The following CDH8 variants were observed in gnomAD, a reference collection of about 807,000 sequenced individuals.
CDH8 encodes the protein cadherin 8, also known as cadherin-8.
In CDH8, 17 loss-of-function variants were observed where a neutral mutation model predicts 68.1. The observed-to-expected ratio is 0.25, with a 90% CI of 0.17 to 0.37. The LOEUF is 0.37. Ranked by LOEUF, CDH8 falls within the 10% of genes least tolerant of loss-of-function variation. CDH8 has a pLI of 1.00. For missense variants in CDH8, 763 were observed against 999.3 expected, an observed-to-expected ratio of 0.76 and a Z score of 3.19; for synonymous variants, 372 against 365.1, an observed-to-expected ratio of 1.02 and a Z score of -0.21.
rs1319897945 is a variant in CDH8, at chr16:61,651,478, T to G, written c.*2130A>C. On this transcript the variant is annotated 3_prime_UTR_variant, in exon 12 of 12. Coordinates refer to ENST00000577390, the MANE Select transcript of CDH8 (RefSeq NM_001796.5). ...TTTAAACATGCAGTTTCTGTCACAG[T>G]GAAGGTGGCCTCTAGAAGTTGGTGC... 6.6e-6 allele frequency: 1 copy of G among 152,184 alleles called. No homozygotes were observed. The highest frequency in any genetic ancestry group is 2.4e-5 in the African/African-American group (1 of 41,442). The allele number at this position is 152,184 out of a possible 1,614,324, so 9.4% of individuals were successfully genotyped here. A position where few individuals can be genotyped will look rare whatever the true frequency, so the allele number is the denominator to read the frequency against.
At chr16:61,990,872 GGAAGGAAGGAAA>G (rs1319586937) in intron 2 of CDH8, among the ~76,000 whole-genome samples, 46 of 149,070 alleles carry the variant, frequency 3.1e-4, no homozygotes, top group African/African-American at 1.1e-3. Flanking sequence ...AGGGAGGGAA[GGAAGGAAGGAAA>G]GAAGGAAGGA....
chr16:61,690,740 A>G (rs1964204589), intron 10 of CDH8, among the ~76,000 whole-genome samples: 1 of 152,050 alleles, frequency 6.6e-6, no homozygotes, highest in Non-Finnish European at 1.5e-5. Flanking sequence ...CCAATATAAG[A>G]AAATGCAGGG....
At chr16:61,739,158 A>G (rs1319370498) in intron 8 of CDH8, among the ~76,000 whole-genome samples, 1 of 152,152 alleles carries the variant, frequency 6.6e-6, no homozygotes, top group African/African-American at 2.4e-5. Flanking sequence ...ATTGTTTCAA[A>G]TAGGATTGAC....
intron 2 of CDH8, among the ~76,000 whole-genome samples, chr16:61,995,927 A>G (rs1045983178): frequency 2.0e-5 from 3 of 152,178 alleles, no homozygotes; most frequent in Non-Finnish European, 2.9e-5. Flanking sequence ...CTTTCCTCCT[A>G]CAAGAATGTA....
intron 2 of CDH8, among the ~76,000 whole-genome samples, chr16:61,928,140 C>CTGT (rs1964485191): frequency 1.3e-5 from 2 of 152,138 alleles, no homozygotes; most frequent in African/African-American, 4.8e-5. Context: ...CCTACTGTAC[C>CTGT]ACTAACAGAA....
intron 4 of CDH8, among the ~76,000 whole-genome samples, chr16:61,833,189 C>T (rs1360839483): frequency 6.6e-6 from 1 of 151,090 alleles, no homozygotes; most frequent in African/African-American, 2.4e-5. Context: ...GTTTTATTTT[C>T]TACATTATAT....
intron 8 of CDH8, among the ~76,000 whole-genome samples, chr16:61,768,367 T>TCTCTCTCTCTCTCTCC (rs1567461178): frequency 2.4e-4 from 19 of 80,638 alleles, no homozygotes; most frequent in South Asian, 4.3e-4. Flanking sequence ...TCTCTCTCTC[T>TCTCTCTCTCTCTCTCC]CCCTTTCTCT....
intron 1 of CDH8, among the ~76,000 whole-genome samples, chr16:62,035,703 C>T (rs1353201819): frequency 6.6e-6 from 1 of 152,148 alleles, no homozygotes; most frequent in Non-Finnish European, 1.5e-5. Flanking sequence ...CGCACGGACC[C>T]CGCAGTGAAG....
intron 6 of CDH8, among the ~76,000 whole-genome samples, chr16:61,818,581 CTT>C (rs1567484711): frequency 2.0e-5 from 3 of 152,156 alleles, no homozygotes; most frequent in Non-Finnish European, 2.9e-5. Flanking sequence ...CTCTGAGAGA[CTT>C]TGGTCAATGA....
intron 10 of CDH8, among the ~76,000 whole-genome samples, chr16:61,660,197 C>T: frequency 6.6e-6 from 1 of 151,966 alleles, no homozygotes; most frequent in Non-Finnish European, 1.5e-5. Flanking sequence ...CCCAGTTTTG[C>T]TATATTATCT....
At chr16:61,659,766 A>G (rs1279185224) in intron 10 of CDH8, among the ~76,000 whole-genome samples, 1 of 152,092 alleles carries the variant, frequency 6.6e-6, no homozygotes, top group African/African-American at 2.4e-5. Flanking sequence ...ATAGCTCAGG[A>G]TTTTGCCCAG....
chr16:61,650,120 A>G lies in CDH8; in HGVS notation c.*3488T>C, dbSNP rs1244766182. On this transcript the variant is annotated 3_prime_UTR_variant, in exon 12 of 12. Coordinates refer to ENST00000577390, the MANE Select transcript of CDH8 (RefSeq NM_001796.5). ...TCTGTGTGGCAAGGTTAACACTTGA[A>G]TTTAAAAATAGCATATTTTAGTCAT... The G allele has an allele frequency of 6.6e-6, 1 of 152,168 alleles. No homozygotes were observed. Among genetic ancestry groups the G allele is most frequent in the African/African-American group, 2.4e-5 (1 of 41,456 alleles). The allele number at this position is 152,168 out of a possible 1,614,324, so 9.4% of individuals were successfully genotyped here.
chr16:61,904,249 C>T (rs1964027825), intron 2 of CDH8, among the ~76,000 whole-genome samples: 2 of 152,174 alleles, frequency 1.3e-5, no homozygotes. Flanking sequence ...TCTGGCCCTC[C>T]AAGTACAGAA....
chr16:62,032,659 C>T (rs1303540750), intron 1 of CDH8, among the ~76,000 whole-genome samples: 3 of 152,144 alleles, frequency 2.0e-5, no homozygotes, highest in African/African-American at 7.2e-5. Flanking sequence ...AATAGAAAGG[C>T]TTCTCCGATT....
At chr16:61,668,589 A>T (rs980485653) in intron 10 of CDH8, among the ~76,000 whole-genome samples, 1 of 151,930 alleles carries the variant, frequency 6.6e-6, no homozygotes, top group African/African-American at 2.4e-5. Context: ...ATATCAACAG[A>T]TCTAGAAAGA....
At chr16:61,990,223 G>A (rs181793399) in intron 2 of CDH8, among the ~76,000 whole-genome samples, 44 of 151,494 alleles carry the variant, frequency 2.9e-4, no homozygotes, top group African/African-American at 1.0e-3. Context: ...ATTAGAGAAA[G>A]GGCCTCTAAG....
At chr16:61,928,641 A>T (rs1046472744) in intron 2 of CDH8, among the ~76,000 whole-genome samples, 9 of 152,196 alleles carry the variant, frequency 5.9e-5, no homozygotes, top group Non-Finnish European at 1.2e-4. Context: ...GAGGTTTAGC[A>T]TTATTTTAAA....
intron 10 of CDH8, among the ~76,000 whole-genome samples, chr16:61,681,468 A>T (rs1964010985): frequency 6.6e-6 from 1 of 151,870 alleles, no homozygotes; most frequent in Non-Finnish European, 1.5e-5. Flanking sequence ...ATGCCCAGAA[A>T]AGGCAAATTT....
chr16:61,771,760 T>C (rs1960785009), intron 8 of CDH8, among the ~76,000 whole-genome samples: 1 of 151,976 alleles, frequency 6.6e-6, no homozygotes, highest in African/African-American at 2.4e-5. Flanking sequence ...GTTACAGCTT[T>C]TTATTGAATA....
Sources: allele counts gnomAD v4.1 joint callset (sites outside exome capture counted in the v4.1 genomes callset), GRCh38; gene constraint gnomAD v4.1.1; transcripts MANE v1.5; gene names NCBI Gene and HGNC (gene_info 2026-07-23, HGNC 2026-07-21).